STX12: variants seen among roughly 807,000 people sequenced by gnomAD.
STX12 encodes syntaxin-12.
A neutral mutation model predicts 42.2 loss-of-function variants in STX12; 17 were observed. The observed-to-expected ratio is 0.40, with a 90% CI of 0.28 to 0.60. STX12 has a LOEUF of 0.60. STX12 is among the 20% of genes least tolerant of loss of function. STX12 has a pLI of 0.39. For missense variants in STX12, 297 were observed against 330.9 expected, an observed-to-expected ratio of 0.90 and a Z score of 0.79; for synonymous variants, 108 against 116.7, an observed-to-expected ratio of 0.93 and a Z score of 0.48.
chr1:27,814,089 C>T (rs561696612), intron 6 of STX12, among the ~76,000 whole-genome samples: 5 of 152,064 alleles, frequency 3.3e-5, no homozygotes, highest in Non-Finnish European at 5.9e-5. Context: ...TTAGTAGAGA[C>T]GAGGTTTTGC....
Position 27,775,429 on chromosome 1 carries a change from G to A in STX12, c.118+2004G>A, listed in dbSNP as rs555618387. Among the ~76,000 whole-genome samples, 6 of 152,142 alleles carry A rather than the reference G, an allele frequency of 3.9e-5. No homozygotes were observed. In the East Asian group the frequency reaches 5.8e-4, roughly 15 times the overall value. On this transcript the variant is annotated intron_variant, in intron 1 of 8. Coordinates refer to ENST00000373943, the MANE Select transcript of STX12 (RefSeq NM_177424.3). Reference sequence around the variant, plus strand: ...TGGGACTACAGGTGTGCACCACCACGCCCGGCTAATTTTTATATTTTTTGT... The same window carrying A: ...TGGGACTACAGGTGTGCACCACCACACCCGGCTAATTTTTATATTTTTTGT...
At chr1:27,796,207 T>C (rs2148601707) in intron 3 of STX12, among the ~76,000 whole-genome samples, 1 of 152,346 alleles carries the variant, frequency 6.6e-6, no homozygotes. Context: ...CCTCTTGTTA[T>C]GCTCTGTATC....
intron 3 of STX12, among the ~76,000 whole-genome samples, chr1:27,796,784 C>T (rs2088789138): frequency 6.6e-6 from 1 of 151,558 alleles, no homozygotes; most frequent in Non-Finnish European, 1.5e-5. Flanking sequence ...CGGCTCACCA[C>T]AACTTCCACC....
At chr1:27,783,390 A>G (rs1309844004) in intron 1 of STX12, among the ~76,000 whole-genome samples, 2 of 152,156 alleles carry the variant, frequency 1.3e-5, no homozygotes, top group African/African-American at 2.4e-5. Flanking sequence ...GCTGGAGTGC[A>G]GTGGCACGAT....
Position 27,773,397 on chromosome 1 carries a change from C to T in STX12, c.90C>T (p.Ser30=). The T allele has an allele frequency of 1.2e-6, 2 of 1,613,612 alleles. No individual in the cohort carries two copies. Among genetic ancestry groups the T allele is most frequent in the East Asian group, 2.2e-5 (1 of 44,852 alleles). ...TCAGCAGCATCATCCAGACGTGCAG[C>T]GGCAACATCCAGCGGATCAGCCAAG... ...RDFSSIIQTC[S]GNIQRISQAT... is the part of the protein sequence containing the mutation. The change falls in exon 1 of 9, where the codon AGC becomes AGT. Residue 30 remains serine (S), a synonymous_variant. Transcript: ENST00000373943.
At chr1:27,780,952 C>G (rs966401298) in intron 1 of STX12, among the ~76,000 whole-genome samples, 14 of 151,126 alleles carry the variant, frequency 9.3e-5, no homozygotes, top group Non-Finnish European at 1.3e-4. Context: ...GAGTGAGACC[C>G]TGTCTCAAAA....
At chr1:27,773,496 C>A in intron 1 of STX12, 71 bp downstream of exon 1, 1 of 1,427,748 alleles carries the variant, frequency 7.0e-7, no homozygotes, top group Non-Finnish European at 9.8e-7. Flanking sequence ...TGCCGGGACG[C>A]AGGGCCCGGC....
At position 27,801,829 on chromosome 1, in the gene STX12, C is replaced by G. The variant is rs763298880; in HGVS notation, c.426+14C>G. ...TCTCGTCTTTCTGTAAGTTGATTCC[C>G]AAAAGAAGACCTTTGCAATATCAGA... On this transcript the variant is annotated intron_variant, in intron 4 of 8. Coordinates refer to ENST00000373943, the MANE Select transcript of STX12 (RefSeq NM_177424.3). 13 of 1,569,640 alleles carry G rather than the reference C, an allele frequency of 8.3e-6. No individual in the cohort carries two copies. The highest frequency in any genetic ancestry group is 1.1e-5 in the Non-Finnish European group (13 of 1,166,404).
At chr1:27,779,428 G>A (rs1001125711) in intron 1 of STX12, among the ~76,000 whole-genome samples, 1 of 151,758 alleles carries the variant, frequency 6.6e-6, no homozygotes, top group African/African-American at 2.4e-5. Context: ...CCACCTCCTG[G>A]GTTCAAGCAG....
chr1:27,821,071 G>A (rs2088980168), intron 8 of STX12, among the ~76,000 whole-genome samples: 1 of 150,138 alleles, frequency 6.7e-6, no homozygotes, highest in Non-Finnish European at 1.5e-5. Context: ...AATGCTAGAT[G>A]ACGAGTTAGT....
In STX12 at chr1:27,784,975, T is replaced by C. The variant is rs1571517898; in HGVS notation, c.119-4587T>C. On this transcript the variant is annotated intron_variant, in intron 1 of 8. Coordinates refer to ENST00000373943, the MANE Select transcript of STX12 (RefSeq NM_177424.3). Reference sequence around the variant, plus strand: ...CCCAACAAAGGAAATCAGAAAAGTCTAGATGAAGAAGAGTTCTCCACTGAG... The same window carrying C: ...CCCAACAAAGGAAATCAGAAAAGTCCAGATGAAGAAGAGTTCTCCACTGAG... Among the ~76,000 whole-genome samples the C allele has an allele frequency of 3.9e-5, 6 of 152,216 alleles. No individual in the cohort carries two copies. The South Asian group carries it at 1.2e-3, about 32-fold the overall frequency.
At chr1:27,819,183 C>A (rs1208398611) in intron 7 of STX12, among the ~76,000 whole-genome samples, 1 of 148,344 alleles carries the variant, frequency 6.7e-6, no homozygotes, top group African/African-American at 2.5e-5. Flanking sequence ...GTGGGAAGAT[C>A]ACTTGAACCC....
chr1:27,784,043 G>A (rs545473597), intron 1 of STX12, among the ~76,000 whole-genome samples: 1 of 152,158 alleles, frequency 6.6e-6, no homozygotes, highest in East Asian at 1.9e-4. Context: ...AGCCGGGCAT[G>A]GTGGCACATG....
At chr1:27,789,680 C>T (rs1319215691) in intron 2 of STX12, 49 bp downstream of exon 2, 3 of 1,424,418 alleles carry the variant, frequency 2.1e-6, no homozygotes, top group Non-Finnish European at 3.0e-6. Flanking sequence ...CATTTGAGGA[C>T]ACAGTGTCCT....
At chr1:27,795,928 C>T (rs11247688) in intron 3 of STX12, among the ~76,000 whole-genome samples, 18,755 of 152,116 alleles carry the variant, frequency 0.12, 3,852 homozygotes, top group African/African-American at 0.43. Context: ...CACTTGTAGA[C>T]AGTTTTCATA....
intron 7 of STX12, among the ~76,000 whole-genome samples, chr1:27,818,852 T>C (rs2088962399): frequency 6.6e-6 from 1 of 152,122 alleles, no homozygotes; most frequent in African/African-American, 2.4e-5. Context: ...GGTCTTGAAC[T>C]CTCGACCTCA....
intron 3 of STX12, among the ~76,000 whole-genome samples, chr1:27,800,604 C>T (rs890753642): frequency 1.3e-5 from 2 of 151,968 alleles, no homozygotes; most frequent in Non-Finnish European, 2.9e-5. Context: ...TTTCAACTCA[C>T]TGCAGCCTCA....
Position 27,824,225 on chromosome 1 carries a change from T to C in STX12, c.*1896T>C, listed in dbSNP as rs910904932. The C allele has an allele frequency of 4.6e-5, 7 of 152,194 alleles. No homozygotes were observed. The highest frequency in any genetic ancestry group is 3.8e-4 in the East Asian group (2 of 5,200). The allele number at this position is 152,194 out of a possible 1,614,324, so 9.4% of individuals were successfully genotyped here. On this transcript the variant is annotated 3_prime_UTR_variant, in exon 9 of 9. Coordinates refer to ENST00000373943, the MANE Select transcript of STX12 (RefSeq NM_177424.3). ...GGACTTGGATACATCATTTGTAACA[T>C]TGTAGGAAAGAAAAAAGTCTTGGTT...
Position 27,822,218 on chromosome 1 carries a change from T to C in STX12, c.733-13T>C, listed in dbSNP as rs1354090514. 3 of 1,543,272 alleles carry C rather than the reference T, an allele frequency of 1.9e-6. No homozygotes were observed. The African/African-American group carries it at 4.1e-5, about 21-fold the overall frequency. ...GTTTCATGAGTATCTTGTTTACATA[T>C]TTCTTTCCTCAGAAAAAATCTCGCA... On this transcript the variant is annotated splice_polypyrimidine_tract_variant and intron_variant, in intron 8 of 8. Coordinates refer to ENST00000373943, the MANE Select transcript of STX12 (RefSeq NM_177424.3).
Sources: gnomAD v4.1 joint callset for allele counts (sites outside exome capture counted in the v4.1 genomes callset) on GRCh38, gnomAD v4.1.1 for gene constraint, MANE v1.5 for transcripts, NCBI Gene and HGNC (gene_info 2026-07-23, HGNC 2026-07-21) for gene names.